The following IFT88 variants were observed in gnomAD, a reference collection of about 807,000 sequenced individuals.
IFT88 encodes the protein intraflagellar transport 88, also known as intraflagellar transport protein 88 homolog.
A neutral mutation model predicts 119.5 loss-of-function variants in IFT88; 74 were observed. The ratio of observed to expected loss-of-function variants is 0.62; its 90% CI spans 0.51 to 0.75. The LOEUF is 0.75. IFT88 is among the 30% of genes least tolerant of loss of function. IFT88 has a pLI of 0.00. For synonymous variants in IFT88, 279 were observed against 316.7 expected, an observed-to-expected ratio of 0.88 and a Z score of 1.26; for missense variants, 961 against 977.7, an observed-to-expected ratio of 0.98 and a Z score of 0.23.
At chr13:20,657,111 T>C (rs1301360181) in intron 22 of IFT88, among the ~76,000 whole-genome samples, 2 of 152,212 alleles carry the variant, frequency 1.3e-5, no homozygotes, top group Non-Finnish European at 2.9e-5. Flanking sequence ...CTACCTTGGC[T>C]TCCCAAAGTG....
intron 1 of IFT88, chr13:20,567,775 A>G (rs2035192443): frequency 7.4e-7 from 1 of 1,344,798 alleles, no homozygotes; most frequent in South Asian, 2.1e-5. Flanking sequence ...GAAACATTCC[A>G]AAAACGTGAA....
chr13:20,687,274 G>A (rs1231942694), intron 24 of IFT88, among the ~76,000 whole-genome samples: 1 of 152,164 alleles, frequency 6.6e-6, no homozygotes, highest in Non-Finnish European at 1.5e-5. Flanking sequence ...AGAGATTAGA[G>A]ATTGTGAGTT....
chr13:20,634,246 C>A (rs1206859375), intron 16 of IFT88, among the ~76,000 whole-genome samples: 1 of 152,130 alleles, frequency 6.6e-6, no homozygotes, highest in Non-Finnish European at 1.5e-5. Context: ...CTGAATGAGT[C>A]GTACGTGAAT....
At chr13:20,641,615 C>T (rs576128809) in intron 18 of IFT88, 75 of 370,810 alleles carry the variant, frequency 2.0e-4, no homozygotes, top group Middle Eastern at 7.9e-4. Context: ...ATGGTTAAAA[C>T]TATTATTTAT....
chr13:20,681,694 A>G (rs1465878170), intron 24 of IFT88, among the ~76,000 whole-genome samples: 1 of 152,240 alleles, frequency 6.6e-6, no homozygotes, highest in Non-Finnish European at 1.5e-5. Context: ...GGGTAAATAA[A>G]GTCATCAGTT....
intron 12 of IFT88, among the ~76,000 whole-genome samples, chr13:20,603,985 G>A (rs1043489699): frequency 3.9e-5 from 6 of 152,268 alleles, no homozygotes; most frequent in African/African-American, 9.6e-5. Flanking sequence ...ATCTAAGCCC[G>A]GGGAGGTCAA....
chr13:20,644,951 CT>C lies in IFT88; in HGVS notation c.1944del (p.Ile649TyrfsTer6). 6.9e-7 allele frequency: 1 copy of C among 1,455,644 alleles called. No homozygotes were observed. Among genetic ancestry groups the C allele is most frequent in the Non-Finnish European group, 9.6e-7 (1 of 1,043,308 alleles). 90.2% of individuals were successfully genotyped at this position (1,455,644 alleles called of 1,614,324 possible). ...TATTCAGTACTTTGAAAGAGCTTCT[CT>C]TATACAGTAAGTAATCATTAGGATT... ...KAIQYFERAS[L>X]IQPTQVKWQL... On this transcript the variant is annotated frameshift_variant, in exon 20 of 26. Coordinates refer to ENST00000351808, the MANE Select transcript of IFT88 (RefSeq NM_006531.5). LOFTEE classifies it high-confidence loss of function.
At chr13:20,653,853 C>T in intron 20 of IFT88, 23 bp from the exon 21 acceptor site, 1 of 1,418,314 alleles carries the variant, frequency 7.1e-7, no homozygotes, top group Non-Finnish European at 9.6e-7. Flanking sequence ...TCTCTAATTT[C>T]ATCTCATTTA....
At position 20,591,804 on chromosome 13, in the gene IFT88, T is replaced by C. The variant is rs956725722; in HGVS notation, c.328+123T>C. On this transcript the variant is annotated intron_variant, in intron 6 of 25. Transcript: ENST00000351808. ...CAATGCCATTGATTATAAGATGCAC[T>C]GATATTTTAGGTACCATTAAGAAAG... 23 of 642,252 alleles carry C rather than the reference T, an allele frequency of 3.6e-5. No individual in the cohort carries two copies. In the Middle Eastern group the frequency reaches 1.2e-3, roughly 33 times the overall value. The allele number at this position is 642,252 out of a possible 1,614,324, so 39.8% of individuals were successfully genotyped here. A position where few individuals can be genotyped will look rare whatever the true frequency, so the allele number is the denominator to read the frequency against.
intron 13 of IFT88, among the ~76,000 whole-genome samples, chr13:20,615,382 T>C (rs1330978902): frequency 6.6e-6 from 1 of 152,194 alleles, no homozygotes; most frequent in African/African-American, 2.4e-5. Context: ...TACACATATA[T>C]GCACACAAAA....
At chr13:20,608,591 C>T (rs983242055) in intron 13 of IFT88, among the ~76,000 whole-genome samples, 2 of 152,120 alleles carry the variant, frequency 1.3e-5, no homozygotes, top group African/African-American at 2.4e-5. Context: ...GTGTCCAGGG[C>T]GGTGCTTGAG....
intron 24 of IFT88, among the ~76,000 whole-genome samples, chr13:20,677,184 C>T (rs932808798): frequency 6.6e-6 from 1 of 152,196 alleles, no homozygotes; most frequent in African/African-American, 2.4e-5. Context: ...GAGTCTCCCT[C>T]TCCTCACTTG....
intron 15 of IFT88, among the ~76,000 whole-genome samples, chr13:20,626,287 C>G (rs1382936971): frequency 6.6e-6 from 1 of 151,958 alleles, no homozygotes; most frequent in Non-Finnish European, 1.5e-5. Context: ...GTCTCGATCT[C>G]CTGACCTTGT....
At position 20,644,845 on chromosome 13, in the gene IFT88, A is replaced by G. The variant is rs539848384; in HGVS notation, c.1836A>G (p.Ser612=). 4.9e-4 allele frequency: 699 copies of G among 1,425,136 alleles called. 10 individuals carry two copies. The South Asian group carries it at 8.0e-3, about 16-fold the overall frequency. 88.3% of individuals were successfully genotyped at this position (1,425,136 alleles called of 1,614,324 possible). A position where few individuals can be genotyped will look rare whatever the true frequency, so the allele number is the denominator to read the frequency against. ...TACATTCCATATTTGTTTTACAGTC[A>G]TATAGGTATTTTCCTTGTAATATTG... is the stretch of plus-strand genomic sequence containing the variant. ...KSQAFQYYYE[S]YRYFPCNIEV... is the part of the protein sequence containing the mutation. Residue 612 remains serine (S), a splice_region_variant and synonymous_variant, in exon 20 of 26, where the codon TCA becomes TCG. Coordinates refer to ENST00000351808, the MANE Select transcript of IFT88 (RefSeq NM_006531.5).
intron 24 of IFT88, among the ~76,000 whole-genome samples, chr13:20,689,640 C>T (rs1329954250): frequency 2.0e-5 from 3 of 152,142 alleles, no homozygotes; most frequent in African/African-American, 7.2e-5. Flanking sequence ...CTCACCCAAA[C>T]TTTTCTTCTC....
chr13:20,567,865 TTTG>T (rs762084057), intron 1 of IFT88: 574 of 943,818 alleles, frequency 6.1e-4, no homozygotes, highest in Non-Finnish European at 8.2e-4. Flanking sequence ...GTTTTTTTTG[TTTG>T]TTTTTTTTTT....
At position 20,599,628 on chromosome 13, in the gene IFT88, C is replaced by G; in HGVS notation, c.812+63C>G. 6.8e-6 allele frequency: 5 copies of G among 732,538 alleles called. No individual in the cohort carries two copies. In the South Asian group the frequency reaches 7.1e-5, roughly 10 times the overall value. The allele number at this position is 732,538 out of a possible 1,614,324, so 45.4% of individuals were successfully genotyped here. A position where few individuals can be genotyped will look rare whatever the true frequency, so the allele number is the denominator to read the frequency against. The stretch of plus-strand genomic sequence containing the variant: ...AGTGTTTTTCTGAAACAAGATAACT[C>G]TTCTGACCTGTTTTCAGTGGGTTGA... On this transcript the variant is annotated intron_variant, in intron 11 of 25. Coordinates refer to ENST00000351808, the MANE Select transcript of IFT88 (RefSeq NM_006531.5).
intron 21 of IFT88, 108 bp downstream of exon 21, chr13:20,654,036 C>A: frequency 2.0e-6 from 1 of 508,482 alleles, no homozygotes; most frequent in Non-Finnish European, 3.5e-6. Context: ...AAAATACTAA[C>A]TTTTTATAAC....
intron 15 of IFT88, among the ~76,000 whole-genome samples, chr13:20,628,545 A>G (rs999013996): frequency 6.6e-6 from 1 of 152,224 alleles, no homozygotes; most frequent in Admixed American, 6.5e-5. Context: ...ATAAACTTAC[A>G]ATATTTTACT....
Sources: gnomAD v4.1 joint callset for allele counts (sites outside exome capture counted in the v4.1 genomes callset) on GRCh38, gnomAD v4.1.1 for gene constraint, MANE v1.5 for transcripts, NCBI Gene and HGNC (gene_info 2026-07-23, HGNC 2026-07-21) for gene names.